Variants in TLL1 observed in about 807,000 individuals in gnomAD.
TLL1 encodes tolloid-like protein 1.
A neutral mutation model predicts 128.2 loss-of-function variants in TLL1; 49 were observed. The observed-to-expected ratio is 0.38, with a 90% CI of 0.30 to 0.48. The LOEUF is 0.48. Ranked by LOEUF, TLL1 falls within the 20% of genes least tolerant of loss-of-function variation. The pLI, the probability that TLL1 is intolerant of heterozygous loss-of-function variation, is 0.96. For missense variants in TLL1, 1,123 were observed against 1,242.0 expected (o/e 0.90, Z 1.44); for synonymous variants, 454 against 418.8 (o/e 1.08, Z -1.03).
intron 1 of TLL1, among the ~76,000 whole-genome samples, chr4:165,918,139 C>T (rs1732870712): frequency 6.6e-6 from 1 of 152,010 alleles, no homozygotes; most frequent in Non-Finnish European, 1.5e-5. Flanking sequence ...TAATAGTATA[C>T]CATTTGAAGG....
At chr4:165,943,423 C>G (rs1645127340) in intron 1 of TLL1, among the ~76,000 whole-genome samples, 1 of 151,792 alleles carries the variant, frequency 6.6e-6, no homozygotes, top group Non-Finnish European at 1.5e-5. Context: ...GAAGTTTTTT[C>G]CTCCTTAGTA....
At chr4:165,935,046 T>C (rs1202032536) in intron 1 of TLL1, among the ~76,000 whole-genome samples, 1 of 152,194 alleles carries the variant, frequency 6.6e-6, no homozygotes, top group Non-Finnish European at 1.5e-5. Flanking sequence ...ATTTCCCAAG[T>C]GCCTTAACTG....
chr4:165,981,152 T>A (rs1736132037), intron 1 of TLL1, among the ~76,000 whole-genome samples: 1 of 151,074 alleles, frequency 6.6e-6, no homozygotes, highest in South Asian at 2.1e-4. Flanking sequence ...TCTATAGAGT[T>A]TTTTTCCCCC....
At chr4:165,992,708 A>T (rs1736702049) in intron 2 of TLL1, 96 bp from the exon 3 acceptor site, 1 of 1,152,910 alleles carries the variant, frequency 8.7e-7, no homozygotes, top group African/African-American at 1.5e-5. Context: ...CACATAAAAA[A>T]TGACCAAAGA....
chr4:165,907,133 A>G (rs546425728), intron 1 of TLL1, among the ~76,000 whole-genome samples: 1 of 152,232 alleles, frequency 6.6e-6, no homozygotes, highest in Non-Finnish European at 1.5e-5. Context: ...TTAAGAACAT[A>G]CAGTTTTGTG....
intron 10 of TLL1, 101 bp downstream of exon 10, chr4:166,039,542 T>G: frequency 1.2e-6 from 1 of 803,098 alleles, no homozygotes; most frequent in Non-Finnish European, 2.1e-6. Context: ...TAAAAATGTG[T>G]GTGACTAACA....
intron 1 of TLL1, among the ~76,000 whole-genome samples, chr4:165,982,268 A>G (rs1360016629): frequency 6.7e-6 from 1 of 148,940 alleles, no homozygotes; most frequent in East Asian, 1.9e-4. Flanking sequence ...TACTGACACT[A>G]TGAAACTTCT....
intron 9 of TLL1, among the ~76,000 whole-genome samples, chr4:166,029,100 T>C (rs140224998): frequency 0.011 from 1,664 of 152,118 alleles, 15 homozygotes; most frequent in South Asian, 0.02. Context: ...ATTTCTTATT[T>C]GCATTTTAAT....
Position 166,030,463 on chromosome 4 carries a change from C to T in TLL1, c.1158+5032C>T, listed in dbSNP as rs764238160. ...TCTCCTCCTTCACAGGTTGTATTTT[C>T]ACTCTGTTGATTGTGTCTTCTGATG... On this transcript the variant is annotated intron_variant, in intron 9 of 20. Transcript: ENST00000061240. The T allele has an allele frequency of 5.0e-6, 3 of 602,922 alleles. No individual in the cohort carries two copies. The South Asian group carries it at 6.1e-5, about 12-fold the overall frequency. The allele number at this position is 602,922 out of a possible 1,614,324, so 37.3% of individuals were successfully genotyped here.
rs552687631 is a variant in TLL1 at position 166,080,847 on chromosome 4, A to G, written c.2442+2817A>G. ...GGTGTTTTCTCAATGCTTCTATTTT[A>G]CCCTTACCTTCTCTGTTCATCCCCA... On this transcript the variant is annotated intron_variant, in intron 18 of 20. Coordinates refer to ENST00000061240, the MANE Select transcript of TLL1 (RefSeq NM_012464.5). Among the ~76,000 whole-genome samples, 10 of 151,946 alleles carry G rather than the reference A, an allele frequency of 6.6e-5. 1 individual carries two copies. The East Asian group carries it at 1.9e-3, about 30-fold the overall frequency.
intron 1 of TLL1, among the ~76,000 whole-genome samples, chr4:165,955,846 A>C (rs1013756403): frequency 5.3e-5 from 8 of 152,118 alleles, no homozygotes; most frequent in Admixed American, 6.6e-5. Flanking sequence ...TGCCCCCAAT[A>C]TTTCAATGTA....
At position 165,996,769 on chromosome 4, in the gene TLL1, T is replaced by A. The variant is rs144605283; in HGVS notation, c.632+1591T>A. Among the ~76,000 whole-genome samples the A allele has an allele frequency of 3.3e-5, 5 of 151,610 alleles. No individual in the cohort carries two copies. In the East Asian group the frequency reaches 9.7e-4, roughly 29 times the overall value. ...TCAATTATTTTAGAAATGTGAAAAC[T>A]AAATGTAGTTGCACTCTTGAAGTTA... On this transcript the variant is annotated intron_variant, in intron 5 of 20. Transcript: ENST00000061240.
At chr4:165,880,213 T>G (rs957564047) in intron 1 of TLL1, among the ~76,000 whole-genome samples, 2 of 152,038 alleles carry the variant, frequency 1.3e-5, no homozygotes, top group Non-Finnish European at 2.9e-5. Flanking sequence ...TATTGGACTT[T>G]GAGATATTGT....
At chr4:165,940,111 T>A (rs1409501313) in intron 1 of TLL1, among the ~76,000 whole-genome samples, 1 of 152,048 alleles carries the variant, frequency 6.6e-6, no homozygotes, top group African/African-American at 2.4e-5. Context: ...ACATCTAGCA[T>A]TGACCTAACT....
chr4:165,958,243 G>T (rs923111691), intron 1 of TLL1, among the ~76,000 whole-genome samples: 7 of 142,932 alleles, frequency 4.9e-5, no homozygotes, highest in Non-Finnish European at 1.1e-4. Context: ...GGATGGCTGG[G>T]TCAAATGGTA....
intron 1 of TLL1, among the ~76,000 whole-genome samples, chr4:165,884,171 G>A (rs1385601825): frequency 6.6e-6 from 1 of 152,184 alleles, no homozygotes; most frequent in Non-Finnish European, 1.5e-5. Flanking sequence ...ACCTAGTATA[G>A]TCTTCACATT....
At chr4:165,927,654 C>T (rs967875555) in intron 1 of TLL1, among the ~76,000 whole-genome samples, 1 of 152,056 alleles carries the variant, frequency 6.6e-6, no homozygotes, top group African/African-American at 2.4e-5. Flanking sequence ...GGCGGTTATT[C>T]CCAACCAGGA....
chr4:166,036,618 C>A (rs1404584180), intron 9 of TLL1, among the ~76,000 whole-genome samples: 1 of 151,962 alleles, frequency 6.6e-6, no homozygotes, highest in African/African-American at 2.4e-5. Context: ...TAATCAGAGC[C>A]CTATGATTTG....
chr4:165,875,193 T>C (rs762842992), intron 1 of TLL1: 3 of 152,272 alleles, frequency 2.0e-5, no homozygotes, highest in Non-Finnish European at 4.4e-5. Context: ...CAAATATATC[T>C]AGGGTTCTGC....
Sources: gnomAD v4.1 joint callset for allele counts (sites outside exome capture counted in the v4.1 genomes callset) on GRCh38, gnomAD v4.1.1 for gene constraint, MANE v1.5 for transcripts, NCBI Gene and HGNC (gene_info 2026-07-23, HGNC 2026-07-21) for gene names.